The following CNTN1 variants were observed in gnomAD, a reference collection of about 807,000 sequenced individuals.
CNTN1 encodes contactin 1.
A neutral mutation model predicts 126.4 loss-of-function variants in CNTN1; 38 were observed. The ratio of observed to expected loss-of-function variants is 0.30; its 90% CI spans 0.23 to 0.39. The LOEUF (loss-of-function observed/expected upper bound fraction) is 0.39, where lower values mean the gene tolerates loss of function less well. Ranked by LOEUF, CNTN1 falls within the 10% of genes least tolerant of loss-of-function variation. The probability of loss-of-function intolerance (pLI) is 1.00; values close to 1 mark genes in which losing one functional copy is unlikely to be tolerated. For synonymous variants in CNTN1, 413 were observed against 422.6 expected (o/e 0.98, Z 0.28); for missense variants, 1,009 against 1,248.4 (o/e 0.81, Z 2.89).
At chr12:40,816,620 G>A (rs1229653924) in intron 1 of CNTN1, among the ~76,000 whole-genome samples, 1 of 150,962 alleles carries the variant, frequency 6.6e-6, no homozygotes, top group East Asian at 1.9e-4. Flanking sequence ...TTTTTTTGAA[G>A]GGTTTTTCGT....
intron 2 of CNTN1, among the ~76,000 whole-genome samples, chr12:40,909,692 G>T (rs1944959947): frequency 6.7e-6 from 1 of 150,236 alleles, no homozygotes; most frequent in Admixed American, 6.6e-5. Context: ...TTATAACCAG[G>T]GTAATTATGC....
At chr12:40,811,595 C>T (rs902366821) in intron 1 of CNTN1, among the ~76,000 whole-genome samples, 5 of 151,490 alleles carry the variant, frequency 3.3e-5, no homozygotes, top group Non-Finnish European at 7.4e-5. Flanking sequence ...TTGTATTTGT[C>T]TGTTTAGATT....
chr12:40,981,035 T>C lies in CNTN1; in HGVS notation c.1931T>C (p.Ile644Thr), dbSNP rs771816667. Residue 644 changes from isoleucine (I) to threonine (T), a missense_variant, in exon 16 of 24, where the codon ATT (isoleucine) becomes ACT (threonine). Coordinates refer to ENST00000551295, the MANE Select transcript of CNTN1 (RefSeq NM_001843.4). Reference sequence around the variant, plus strand: ...AAATACACTATCCAGACCAAGACTATTCTTTCAGATGACTGGAAAGATGCA... The same window carrying C: ...AAATACACTATCCAGACCAAGACTACTCTTTCAGATGACTGGAAAGATGCA... ...ISKYTIQTKTILSDDWKDAKT... is the reference protein window; with the variant it reads ...ISKYTIQTKTTLSDDWKDAKT... The C allele has an allele frequency of 3.1e-6, 5 of 1,613,186 alleles. No homozygotes were observed. Among genetic ancestry groups the C allele is most frequent in the Non-Finnish European group, 4.2e-6 (5 of 1,179,762 alleles).
At chr12:40,738,806 C>CA (rs1034420101) in intron 1 of CNTN1, among the ~76,000 whole-genome samples, 1 of 151,904 alleles carries the variant, frequency 6.6e-6, no homozygotes, top group African/African-American at 2.4e-5. Flanking sequence ...ACCAAATTTG[C>CA]AAAAATTAAA....
chr12:40,707,027 C>T (rs932387745), intron 1 of CNTN1, among the ~76,000 whole-genome samples: 4 of 143,616 alleles, frequency 2.8e-5, no homozygotes, highest in African/African-American at 7.9e-5. Context: ...CATATAAAGA[C>T]GTGCGCGCGC....
chr12:40,868,252 G>A (rs1348227), intron 1 of CNTN1, among the ~76,000 whole-genome samples: 99,778 of 151,982 alleles, frequency 0.66, 33,730 homozygotes, highest in African/African-American at 0.83. Context: ...CTAGGAGGCC[G>A]TTTGAATGCT....
chr12:40,990,084 G>A (rs565009415), intron 16 of CNTN1, among the ~76,000 whole-genome samples: 127 of 151,986 alleles, frequency 8.4e-4, no homozygotes, highest in African/African-American at 3.0e-3. Context: ...TCATGTTTTT[G>A]CTAAATTATT....
At chr12:40,825,469 T>G (rs1941582014) in intron 1 of CNTN1, among the ~76,000 whole-genome samples, 1 of 152,180 alleles carries the variant, frequency 6.6e-6, no homozygotes, top group South Asian at 2.1e-4. Flanking sequence ...TAGAGTTCAC[T>G]CCTTATTTTA....
intron 1 of CNTN1, among the ~76,000 whole-genome samples, chr12:40,704,537 A>G (rs1290014130): frequency 2.8e-4 from 43 of 152,156 alleles, no homozygotes; most frequent in Admixed American, 2.8e-3. Flanking sequence ...TTTGGCTAAG[A>G]CACATATATT....
chr12:40,849,779 A>G (rs1412366286), intron 1 of CNTN1, among the ~76,000 whole-genome samples: 2 of 152,072 alleles, frequency 1.3e-5, no homozygotes, highest in Non-Finnish European at 2.9e-5. Context: ...TCAGCATGCC[A>G]TATGCAGCCA....
intron 1 of CNTN1, among the ~76,000 whole-genome samples, chr12:40,886,069 T>C (rs1043739441): frequency 3.9e-5 from 6 of 152,106 alleles, no homozygotes; most frequent in South Asian, 2.1e-4. Flanking sequence ...TGCTGAACTC[T>C]TAATGTTCAT....
At chr12:41,023,289 T>A (rs1948966484) in intron 20 of CNTN1, among the ~76,000 whole-genome samples, 1 of 152,224 alleles carries the variant, frequency 6.6e-6, no homozygotes, top group African/African-American at 2.4e-5. Flanking sequence ...TTTCCTGACA[T>A]TTCAAATGAG....
At chr12:40,893,168 A>G (rs1420220095) in intron 1 of CNTN1, among the ~76,000 whole-genome samples, 4 of 152,058 alleles carry the variant, frequency 2.6e-5, no homozygotes, top group East Asian at 1.9e-4. Flanking sequence ...TCTTTACCCT[A>G]ACTAGGTAGA....
At chr12:41,047,123 C>T (rs1949558878) in intron 23 of CNTN1, among the ~76,000 whole-genome samples, 1 of 152,010 alleles carries the variant, frequency 6.6e-6, no homozygotes. Context: ...CCATCCCCAA[C>T]ATTCACCCTC....
At chr12:40,789,927 T>C (rs1940158132) in intron 1 of CNTN1, among the ~76,000 whole-genome samples, 1 of 152,128 alleles carries the variant, frequency 6.6e-6, no homozygotes, top group Non-Finnish European at 1.5e-5. Flanking sequence ...GGAAGATTCT[T>C]ACTTTTTAGA....
intron 23 of CNTN1, among the ~76,000 whole-genome samples, chr12:41,064,099 G>A (rs543014980): frequency 1.6e-4 from 24 of 151,706 alleles, no homozygotes; most frequent in African/African-American, 5.1e-4. Flanking sequence ...GCGTGAACCC[G>A]GGAGGCAGAG....
intron 1 of CNTN1, among the ~76,000 whole-genome samples, chr12:40,769,095 T>A (rs973569073): frequency 6.6e-6 from 1 of 152,162 alleles, no homozygotes; most frequent in African/African-American, 2.4e-5. Flanking sequence ...TGGCAATTCA[T>A]TATTGCAAAT....
At chr12:40,766,268 A>T (rs1208047956) in intron 1 of CNTN1, among the ~76,000 whole-genome samples, 1 of 151,402 alleles carries the variant, frequency 6.6e-6, no homozygotes, top group African/African-American at 2.4e-5. Flanking sequence ...GAGGCAGGAG[A>T]GTCACTTGAA....
At chr12:40,701,710 G>A (rs1591987523) in intron 1 of CNTN1, among the ~76,000 whole-genome samples, 1 of 152,044 alleles carries the variant, frequency 6.6e-6, no homozygotes, top group African/African-American at 2.4e-5. Flanking sequence ...CTTTCAGATT[G>A]CTTGAAAATT....
Sources: gnomAD v4.1 joint callset for allele counts (sites outside exome capture counted in the v4.1 genomes callset) on GRCh38, gnomAD v4.1.1 for gene constraint, MANE v1.5 for transcripts, NCBI Gene and HGNC (gene_info 2026-07-23, HGNC 2026-07-21) for gene names.